The following PDE1C variants were observed in gnomAD, a reference collection of about 807,000 sequenced individuals.
The protein encoded by PDE1C is dual specificity calcium/calmodulin-dependent 3',5'-cyclic nucleotide phosphodiesterase 1C.
A neutral mutation model predicts 93.1 loss-of-function variants in PDE1C; 62 were observed. The observed-to-expected ratio is 0.67, with a 90% confidence interval of 0.54 to 0.82. The LOEUF is 0.82. Among genes scored for constraint, PDE1C ranks in the 40% least tolerant of loss-of-function variants. The pLI is 0.00. For missense variants in PDE1C, 742 were observed against 884.6 expected (o/e 0.84, Z 2.04); for synonymous variants, 325 against 310.1 (o/e 1.05, Z -0.50).
intron 2 of PDE1C, among the ~76,000 whole-genome samples, chr7:32,013,920 T>G (rs1312168856): frequency 6.6e-6 from 1 of 152,210 alleles, no homozygotes; most frequent in Non-Finnish European, 1.5e-5. Context: ...TTGGTAAAAC[T>G]GCATTTCCAG....
chr7:32,341,173 C>CTATTTTTTTTTTTTTTTTTTTTTT lies in PDE1C; in HGVS notation c.310+86648_310+86649insAAAAAAAAAAAAAAAAAAAAAATA, dbSNP rs796122014. Among the ~76,000 whole-genome samples, 8 of 84,956 alleles carry CTATTTTTTTTTTTTTTTTTTTTTT rather than the reference C, an allele frequency of 9.4e-5. 1 individual carries two copies. Among genetic ancestry groups the CTATTTTTTTTTTTTTTTTTTTTTT allele is most frequent in the African/African-American group, 3.5e-4 (8 of 23,020 alleles). 55.7% of individuals were successfully genotyped at this position (84,956 alleles called of 152,430 possible). A position where few individuals can be genotyped will look rare whatever the true frequency, so the allele number is the denominator to read the frequency against. On this transcript the variant is annotated intron_variant, in intron 1 of 1. Coordinates refer to the PDE1C transcript ENST00000672256. ...CCTAAAACTACTCTAGAAATAAAGT[C>CTATTTTTTTTTTTTTTTTTTTTTT]TTTTTTTTTTTTTTTTTTTTGAGAC...
chr7:32,212,982 T>A (rs1806162375), intron 1 of PDE1C, among the ~76,000 whole-genome samples: 1 of 152,228 alleles, frequency 6.6e-6, no homozygotes, highest in South Asian at 2.1e-4. Flanking sequence ...CTGGGGATCA[T>A]AAAAGCTACC....
chr7:31,996,820 G>A (rs948820059), intron 2 of PDE1C, among the ~76,000 whole-genome samples: 1 of 152,144 alleles, frequency 6.6e-6, no homozygotes, highest in Non-Finnish European at 1.5e-5. Context: ...AACTCAAGAA[G>A]TAGTTTAAAA....
intron 2 of PDE1C, among the ~76,000 whole-genome samples, chr7:31,999,159 G>A (rs1251546288): frequency 6.6e-6 from 1 of 152,142 alleles, no homozygotes; most frequent in Non-Finnish European, 1.5e-5. Flanking sequence ...AGGCATGTGG[G>A]GAGGGGACAG....
intron 2 of PDE1C, among the ~76,000 whole-genome samples, chr7:31,968,572 C>T (rs1237717544): frequency 6.6e-6 from 1 of 152,090 alleles, no homozygotes; most frequent in Non-Finnish European, 1.5e-5. Flanking sequence ...CCCCATCAAG[C>T]TACCAATGAC....
At chr7:32,424,020 T>C (rs1020570094) in intron 1 of PDE1C, among the ~76,000 whole-genome samples, 14 of 152,230 alleles carry the variant, frequency 9.2e-5, no homozygotes, top group Non-Finnish European at 1.6e-4. Context: ...CTGTGAACTG[T>C]TGTTTGTAAT....
At chr7:31,709,846 T>C in the PDE1C span, among the ~76,000 whole-genome samples, 1 of 152,108 alleles carries the variant, frequency 6.6e-6, no homozygotes, top group Non-Finnish European at 1.5e-5. Flanking sequence ...AAATGAATAA[T>C]AGTTATATTA....
In PDE1C at chr7:31,942,404, G is replaced by A. The variant is rs73686835; in HGVS notation, c.129-61544C>T. ...CCCTTAGTTACCCCAAAGAAGGGTG[G>A]ATTTTAAAACTTAGGACCCTCAGTA... On this transcript the variant is annotated intron_variant, in intron 2 of 17. Coordinates refer to ENST00000396191, the MANE Select transcript of PDE1C (RefSeq NM_001191057.4). Among the ~76,000 whole-genome samples, 824 of 152,212 alleles carry A rather than the reference G, an allele frequency of 5.4e-3. 7 individuals are homozygous for A. The highest frequency in any genetic ancestry group is 0.019 in the African/African-American group (785 of 41,546).
In PDE1C at chr7:31,789,952, A is replaced by G. The variant is rs868369058; in HGVS notation, c.1892-14220T>C. On this transcript the variant is annotated intron_variant, in intron 16 of 17. Transcript: ENST00000396191. ...AGGTCATTAGCAAAGGATTTTGAGG[A>G]TGCCCCTTCATGTTTTGTTTCTGTT... 1.1e-4 allele frequency: 138 copies of G among 1,204,554 alleles called. No homozygotes were observed. In the Middle Eastern group the frequency reaches 1.3e-3, roughly 11 times the overall value. 74.6% of individuals were successfully genotyped at this position (1,204,554 alleles called of 1,614,324 possible).
the PDE1C span, chr7:31,695,756 A>G: frequency 1.3e-6 from 1 of 779,450 alleles, no homozygotes. Context: ...GTATCTCTGT[A>G]TTAGTTACAA....
intron 4 of PDE1C, 92 bp from the exon 5 acceptor site, chr7:31,878,128 GAAGTC>G (rs1583741068): frequency 2.4e-6 from 2 of 843,734 alleles, no homozygotes; most frequent in Admixed American, 2.2e-5. Context: ...CAAATAATAA[GAAGTC>G]AAGTGGGGTG....
rs555324715 is a variant in PDE1C at position 32,048,146 on chromosome 7, A to T, written c.128+3408T>A. 3.3e-5 allele frequency among the ~76,000 whole-genome samples: 5 copies of T among 152,322 alleles called. No individual in the cohort carries two copies. In the East Asian group the frequency reaches 9.6e-4, roughly 29 times the overall value. ...GAATCCACCTACTCCAAATCTACAG[A>T]TCCCCAGAGAAGGTCTCAAGCAAGA... is the stretch of plus-strand genomic sequence containing the variant. On this transcript the variant is annotated intron_variant, in intron 2 of 17. Coordinates refer to ENST00000396191, the MANE Select transcript of PDE1C (RefSeq NM_001191057.4).
At chr7:31,897,439 T>A (rs1161969747) in intron 2 of PDE1C, among the ~76,000 whole-genome samples, 1 of 152,220 alleles carries the variant, frequency 6.6e-6, no homozygotes, top group Non-Finnish European at 1.5e-5. Flanking sequence ...GTTTTTCTAT[T>A]TTATGAATAT....
At chr7:31,767,280 C>T (rs1795205783) in intron 17 of PDE1C, among the ~76,000 whole-genome samples, 1 of 152,186 alleles carries the variant, frequency 6.6e-6, no homozygotes, top group Non-Finnish European at 1.5e-5. Context: ...TCTCATCCCA[C>T]ATCTCATGTC....
At position 31,790,347 on chromosome 7, in the gene PDE1C, C is replaced by T. The variant is rs1016928865; in HGVS notation, c.1892-14615G>A. The T allele has an allele frequency of 4.5e-6, 5 of 1,118,100 alleles. No homozygotes were observed. In the Middle Eastern group the frequency reaches 6.0e-4, roughly 135 times the overall value. 69.3% of individuals were successfully genotyped at this position (1,118,100 alleles called of 1,614,324 possible). A position where few individuals can be genotyped will look rare whatever the true frequency, so the allele number is the denominator to read the frequency against. ...CCTCCAAGTCTGAGGAGAAGGAAAT[C>T]TAGGGGACCAAAAAAAATGGGATAA... is the stretch of plus-strand genomic sequence containing the variant. On this transcript the variant is annotated intron_variant, in intron 16 of 17. Transcript: ENST00000396191.
chr7:31,873,245 C>T (rs202086016), intron 6 of PDE1C, 47 bp downstream of exon 6: 37 of 1,133,594 alleles, frequency 3.3e-5, no homozygotes, highest in East Asian at 2.4e-4. Flanking sequence ...TGAGGATAAA[C>T]ATATGCATGT....
intron 3 of PDE1C, among the ~76,000 whole-genome samples, chr7:32,089,175 G>A (rs142612984): frequency 1.8e-4 from 28 of 152,288 alleles, no homozygotes; most frequent in Middle Eastern, 3.4e-3. Flanking sequence ...ACCAACACAT[G>A]CAGTAGTAGT....
chr7:32,178,673 C>T (rs910743259), intron 2 of PDE1C, among the ~76,000 whole-genome samples: 11 of 152,130 alleles, frequency 7.2e-5, no homozygotes, highest in Admixed American at 6.5e-4. Context: ...CCCTCCCCAA[C>T]CTTCTCTTTC....
chr7:31,730,221 G>A, the PDE1C span, among the ~76,000 whole-genome samples: 1 of 152,098 alleles, frequency 6.6e-6, no homozygotes, highest in East Asian at 1.9e-4. Context: ...TAGATACTGT[G>A]TTGCACAAAC....
Sources: allele counts gnomAD v4.1 joint callset (sites outside exome capture counted in the v4.1 genomes callset), GRCh38; gene constraint gnomAD v4.1.1; transcripts MANE v1.5; gene names NCBI Gene and HGNC (gene_info 2026-07-23, HGNC 2026-07-21).